PTPRE: variants seen among roughly 807,000 people sequenced by gnomAD.
PTPRE encodes receptor-type tyrosine-protein phosphatase epsilon.
Under a neutral mutation model 102.0 loss-of-function variants are expected in PTPRE, and 51 were observed. The ratio of observed to expected loss-of-function variants is 0.50; its 90% CI spans 0.40 to 0.63. PTPRE has a LOEUF of 0.63. Among genes scored for constraint, PTPRE ranks in the 30% least tolerant of loss-of-function variants. PTPRE has a pLI of 0.00. For missense variants in PTPRE, 752 were observed against 915.1 expected, an observed-to-expected ratio of 0.82 and a Z score of 2.30; for synonymous variants, 345 against 348.2, an observed-to-expected ratio of 0.99 and a Z score of 0.10.
At position 128,072,149 on chromosome 10, in the gene PTPRE, C is replaced by A. The variant is rs1390260988; in HGVS notation, c.1399C>A (p.Arg467=). Residue 467 remains arginine (R), a synonymous_variant, in exon 16 of 21, where the codon CGA becomes AGA. Transcript: ENST00000254667. ...VIQIIPYDFN[R]VILSMKRGQE... ...ATAATGCTTTGCAGATGACTTCAAC[C>A]GAGTGATCCTTTCCATGAAAAGGGG... 3 of 1,613,702 alleles carry A rather than the reference C, an allele frequency of 1.9e-6. No homozygotes were observed. The highest frequency in any genetic ancestry group is 2.5e-6 in the Non-Finnish European group (3 of 1,179,838).
rs761247196 is a variant in PTPRE at position 128,076,596 on chromosome 10, C to T, written c.1600-7C>T. 8 of 1,566,494 alleles carry T rather than the reference C, an allele frequency of 5.1e-6. No homozygotes were observed. Among genetic ancestry groups the T allele is most frequent in the Non-Finnish European group, 6.9e-6 (8 of 1,165,362 alleles). On this transcript the variant is annotated splice_polypyrimidine_tract_variant and splice_region_variant and intron_variant, in intron 17 of 20. Transcript: ENST00000254667. ...ACAAGACTTAAATTTTTATTTTATC[C>T]CCTAAGGATAAATGCTACCAGTATT...
chr10:127,923,287 C>G (rs1216527505), intron 1 of PTPRE, among the ~76,000 whole-genome samples: 1 of 152,206 alleles, frequency 6.6e-6, no homozygotes, highest in Non-Finnish European at 1.5e-5. Flanking sequence ...TGGGGACACC[C>G]TGACCTGGCC....
chr10:127,987,004 A>G (rs965240797), intron 2 of PTPRE, among the ~76,000 whole-genome samples: 7 of 152,218 alleles, frequency 4.6e-5, no homozygotes, highest in Non-Finnish European at 8.8e-5. Flanking sequence ...GCGACAAATT[A>G]TTCTCCTGGT....
intron 1 of PTPRE, among the ~76,000 whole-genome samples, chr10:127,978,978 G>A (rs574688752): frequency 6.6e-6 from 1 of 152,078 alleles, no homozygotes; most frequent in South Asian, 2.1e-4. Flanking sequence ...CCAAGATCCC[G>A]CTACTGCACT....
chr10:128,077,822 ACAGGCTGCACCCCCC>A lies in PTPRE; in HGVS notation c.1892+43_1892+57del, dbSNP rs749232264. 329 of 1,555,140 alleles carry A rather than the reference ACAGGCTGCACCCCCC, an allele frequency of 2.1e-4. 1 individual carries two copies. Among genetic ancestry groups the A allele is most frequent in the Non-Finnish European group, 2.3e-4 (264 of 1,140,824 alleles). Reference sequence around the variant, plus strand: ...CCGAAGCCCTCCAGGTGGGGTGGACACAGGCTGCACCCCCCCAGTACCCGCAGCTGTGGGCAGCAG... The same window carrying A: ...CCGAAGCCCTCCAGGTGGGGTGGACACAGTACCCGCAGCTGTGGGCAGCAG... On this transcript the variant is annotated intron_variant, in intron 19 of 20. Coordinates refer to ENST00000254667, the MANE Select transcript of PTPRE (RefSeq NM_006504.6).
Position 128,082,893 on chromosome 10 carries a change from C to A in PTPRE, c.2090C>A (p.Ala697Asp). Residue 697 changes from alanine (A) to aspartate (D), a missense_variant, in exon 21 of 21, where the codon GCT (alanine) becomes GAT (aspartate). Around this residue, in one of 2 missense-constraint regions of PTPRE, gnomAD observed 636 missense variants for 824.4 expected, o/e 0.77. Transcript: ENST00000254667. ...QDFIDIFSDY[A>D]NFK ...TTTATTGATATATTTTCTGATTATGCTAATTTCAAATGAAGATTCCTGCCT... is the reference window on the plus strand; with the variant it reads ...TTTATTGATATATTTTCTGATTATGATAATTTCAAATGAAGATTCCTGCCT... The A allele has an allele frequency of 6.5e-7, 1 of 1,550,070 alleles. No individual in the cohort carries two copies. Among genetic ancestry groups the A allele is most frequent in the Non-Finnish European group, 8.6e-7 (1 of 1,157,058 alleles).
chr10:127,931,848 T>C (rs1025033641), intron 1 of PTPRE, among the ~76,000 whole-genome samples: 1 of 152,260 alleles, frequency 6.6e-6, no homozygotes, highest in Admixed American at 6.5e-5. Context: ...TATATTTTTC[T>C]GCCTTAATCT....
intron 2 of PTPRE, among the ~76,000 whole-genome samples, chr10:128,015,684 T>C (rs922023119): frequency 2.0e-5 from 3 of 152,106 alleles, no homozygotes. Flanking sequence ...TAATTAAAAA[T>C]TGGCCAGGTA....
In PTPRE at chr10:127,907,334, C is replaced by T. The variant is rs963306965; in HGVS notation, c.-31+25C>T. 2.4e-4 allele frequency: 232 copies of T among 984,618 alleles called. 2 individuals carry two copies. The African/African-American group carries it at 3.0e-3, about 13-fold the overall frequency. The allele number at this position is 984,618 out of a possible 1,614,324, so 61.0% of individuals were successfully genotyped here. On this transcript the variant is annotated intron_variant, in intron 1 of 20. Coordinates refer to ENST00000254667, the MANE Select transcript of PTPRE (RefSeq NM_006504.6). This position sits in a 1 kb window ranked among gnomAD's most constrained non-coding sequence, Gnocchi z 4.8. ...GGTGAGCGCGCGTGCGGACAGGGAC[C>T]CTGCGCCCCTGTGGGGAACTGTGCA...
chr10:128,049,667 G>A lies in PTPRE; in HGVS notation c.420+1G>A. 8.1e-6 allele frequency: 13 copies of A among 1,613,742 alleles called. No homozygotes were observed. Among genetic ancestry groups the A allele is most frequent in the Non-Finnish European group, 1.1e-5 (13 of 1,179,982 alleles). ...CAAGCAGTTTCGGGAGGAGTTCAAC[G>A]TGAGTGTGGGGAGGGCTCTCTGCTG... On this transcript the variant is annotated splice_donor_variant, in intron 6 of 20. Coordinates refer to ENST00000254667, the MANE Select transcript of PTPRE (RefSeq NM_006504.6). LOFTEE classifies it high-confidence loss of function.
At chr10:128,015,360 A>G (rs1015328290) in intron 2 of PTPRE, among the ~76,000 whole-genome samples, 10 of 151,688 alleles carry the variant, frequency 6.6e-5, no homozygotes, top group Non-Finnish European at 1.5e-4. Context: ...CCTGGACAAC[A>G]TAGGAAGACC....
Position 128,070,360 on chromosome 10 carries a change from G to A in PTPRE, c.1203G>A (p.Glu401=). 6.2e-7 allele frequency: 1 copy of A among 1,614,188 alleles called. No homozygotes were observed. The part of the protein sequence containing the change: ...LLEYYLYGDT[E]LDVSSLEKHL... ...AGTACTACCTCTACGGGGACACAGAGCTGGACGTGTCCTCCCTGGAGAAGC... is the reference window on the plus strand; with the variant it reads ...AGTACTACCTCTACGGGGACACAGAACTGGACGTGTCCTCCCTGGAGAAGC... Residue 401 remains glutamate (E), a synonymous_variant, in exon 14 of 21, where the codon GAG becomes GAA. Transcript: ENST00000254667. The surrounding 1 kb of genome is among the most constrained non-coding windows in gnomAD (Gnocchi z 4.8).
At chr10:128,067,002 G>A (rs921238446) in intron 11 of PTPRE, among the ~76,000 whole-genome samples, 17 of 124,388 alleles carry the variant, frequency 1.4e-4, no homozygotes, top group African/African-American at 5.0e-4. Flanking sequence ...GCACACACAC[G>A]TACACCTACC....
chr10:128,030,120 G>C (rs1846607694), intron 2 of PTPRE, among the ~76,000 whole-genome samples: 1 of 152,286 alleles, frequency 6.6e-6, no homozygotes, highest in Non-Finnish European at 1.5e-5. Flanking sequence ...TCACCCCTCC[G>C]AGGCCTTCCC....
At chr10:128,020,072 G>GAT in intron 2 of PTPRE, among the ~76,000 whole-genome samples, 1 of 152,036 alleles carries the variant, frequency 6.6e-6, no homozygotes, top group Non-Finnish European at 1.5e-5. Flanking sequence ...GTGTGTGTGT[G>GAT]TGTGCGTGCA....
rs1435476294 is a variant in PTPRE at position 127,907,103 on chromosome 10, G to A, written c.-237G>A. On this transcript the variant is annotated 5_prime_UTR_variant, in exon 1 of 21. Transcript: ENST00000254667. The surrounding 1 kb of genome is among the most constrained non-coding windows in gnomAD (Gnocchi z 4.8). Reference sequence around the variant, plus strand: ...AGGCGGCGGCGGGACGCGGCCGGCCGGACAAATTTCCTGCTAGGCTGCGGA... The same window carrying A: ...AGGCGGCGGCGGGACGCGGCCGGCCAGACAAATTTCCTGCTAGGCTGCGGA... 2 of 233,702 alleles carry A rather than the reference G, an allele frequency of 8.6e-6. No homozygotes were observed. The highest frequency in any genetic ancestry group is 1.4e-5 in the Non-Finnish European group (2 of 143,140). 14.5% of individuals were successfully genotyped at this position (233,702 alleles called of 1,614,324 possible). A position where few individuals can be genotyped will look rare whatever the true frequency, so the allele number is the denominator to read the frequency against.
Position 128,069,578 on chromosome 10 carries a change from CAAA to C in PTPRE, c.1008-109_1008-107del, listed in dbSNP as rs531693679. The C allele has an allele frequency of 3.4e-3, 5,004 of 1,451,856 alleles. 15 individuals are homozygous for C. The highest frequency in any genetic ancestry group is 4.4e-3 in the Admixed American group (199 of 45,240). The allele number at this position is 1,451,856 out of a possible 1,614,324, so 89.9% of individuals were successfully genotyped here. On this transcript the variant is annotated intron_variant, in intron 12 of 20. Coordinates refer to ENST00000254667, the MANE Select transcript of PTPRE (RefSeq NM_006504.6). ...CACTGTAGCTTTGCTCCTAATTAAC[CAAA>C]AAAACAAAAAGTTGCATCCAGTGAC...
chr10:128,037,135 T>C (rs902205767), intron 2 of PTPRE, among the ~76,000 whole-genome samples: 3 of 152,210 alleles, frequency 2.0e-5, no homozygotes, highest in African/African-American at 7.2e-5. Context: ...ATAATGTAGA[T>C]TGTTAATGGA....
chr10:127,985,795 A>G (rs1163165365), intron 2 of PTPRE, among the ~76,000 whole-genome samples: 1 of 151,816 alleles, frequency 6.6e-6, no homozygotes, highest in Non-Finnish European at 1.5e-5. Flanking sequence ...AACTATATTA[A>G]TATTTGACAT....
Sources: gnomAD v4.1 joint callset for allele counts (sites outside exome capture counted in the v4.1 genomes callset) on GRCh38, gnomAD v4.1.1 for gene constraint, gnomAD v4.1.1 regional missense constraint, Gnocchi (gnomAD v3.1) non-coding constraint, MANE v1.5 for transcripts, NCBI Gene and HGNC (gene_info 2026-07-23, HGNC 2026-07-21) for gene names.